Variants in TXNDC15 observed in about 807,000 individuals in gnomAD.
The protein encoded by TXNDC15 is thioredoxin domain-containing protein 15.
Under a neutral mutation model 35.0 loss-of-function variants are expected in TXNDC15, and 24 were observed. The ratio of observed to expected loss-of-function variants is 0.68; its 90% CI spans 0.50 to 0.96. The LOEUF is 0.96. Among genes scored for constraint, TXNDC15 ranks in the 40% least tolerant of loss-of-function variants. The pLI is 0.00. For missense variants in TXNDC15, 385 were observed against 453.3 expected, an observed-to-expected ratio of 0.85 and a Z score of 1.37; for synonymous variants, 169 against 174.0, an observed-to-expected ratio of 0.97 and a Z score of 0.23.
At chr5:134,874,210 T>C, upstream of TXNDC15, 2 of 528,352 alleles carry the variant, frequency 3.8e-6, no homozygotes, top group Non-Finnish European at 6.6e-6. Flanking sequence ...ACCTGCAACG[T>C]CTGGCGCTTA....
In TXNDC15 at chr5:134,900,888, A is replaced by G. The variant is rs986488655; in HGVS notation, c.*1203A>G. 1.3e-5 allele frequency: 2 copies of G among 152,116 alleles called. No individual in the cohort carries two copies. The highest frequency in any genetic ancestry group is 2.9e-5 in the Non-Finnish European group (2 of 68,102). The allele number at this position is 152,116 out of a possible 1,614,324, so 9.4% of individuals were successfully genotyped here. A position where few individuals can be genotyped will look rare whatever the true frequency, so the allele number is the denominator to read the frequency against. On this transcript the variant is annotated 3_prime_UTR_variant, in exon 5 of 5. Transcript: ENST00000358387. ...CTGCAACCTCTGCTTCCCGGGTTCA[A>G]GCGATTCTCCAGCCTCAGCCTCCTG...
chr5:134,896,868 C>T (rs1211867613), intron 4 of TXNDC15, among the ~76,000 whole-genome samples: 1 of 152,112 alleles, frequency 6.6e-6, no homozygotes, highest in Non-Finnish European at 1.5e-5. Context: ...TGGTCTCGAT[C>T]TCCTGACCTC....
intron 1 of TXNDC15, among the ~76,000 whole-genome samples, chr5:134,882,708 CGCGCGCCT>C (rs1561897667): frequency 2.0e-5 from 3 of 152,126 alleles, no homozygotes; most frequent in Non-Finnish European, 2.9e-5. Flanking sequence ...GGCGTGGCGG[CGCGCGCCT>C]GCAATCGCAG....
intron 4 of TXNDC15, among the ~76,000 whole-genome samples, chr5:134,899,123 A>C (rs999356233): frequency 6.6e-6 from 1 of 152,186 alleles, no homozygotes; most frequent in African/African-American, 2.4e-5. Flanking sequence ...TAACCTGTGA[A>C]AACATTCTGT....
chr5:134,896,118 A>G (rs1453419165), intron 3 of TXNDC15, 176 bp from the exon 4 acceptor site: 1 of 592,910 alleles, frequency 1.7e-6, no homozygotes, highest in Non-Finnish European at 2.8e-6. Flanking sequence ...CCCAGCCATG[A>G]CCCATAAGCA....
intron 1 of TXNDC15, among the ~76,000 whole-genome samples, chr5:134,882,040 C>T (rs1481926365): frequency 2.6e-5 from 4 of 151,664 alleles, no homozygotes; most frequent in African/African-American, 4.8e-5. Context: ...GGGCTCCTCA[C>T]TTCTCAGACG....
At chr5:134,874,745 G>A (rs1438205357) in intron 1 of TXNDC15, among the ~76,000 whole-genome samples, 1 of 152,256 alleles carries the variant, frequency 6.6e-6, no homozygotes, top group African/African-American at 2.4e-5. Context: ...GGGAGCCCGG[G>A]GGTGGTTGGG....
chr5:134,883,679 G>A (rs533008232), intron 1 of TXNDC15, among the ~76,000 whole-genome samples: 38 of 151,728 alleles, frequency 2.5e-4, no homozygotes, highest in Admixed American at 8.5e-4. Context: ...TTGGGAGGCT[G>A]AGGCAGGCAG....
intron 1 of TXNDC15, among the ~76,000 whole-genome samples, chr5:134,884,102 C>G (rs1415222798): frequency 2.0e-5 from 3 of 150,850 alleles, no homozygotes; most frequent in African/African-American, 7.3e-5. Flanking sequence ...CACCTATAAT[C>G]CCAGCTACTT....
At chr5:134,883,730 T>A (rs1210856406) in intron 1 of TXNDC15, among the ~76,000 whole-genome samples, 1 of 150,486 alleles carries the variant, frequency 6.6e-6, no homozygotes, top group Non-Finnish European at 1.5e-5. Flanking sequence ...CTGACCAATA[T>A]GGCGAAACCC....
Position 134,894,390 on chromosome 5 carries a change from T to C in TXNDC15, c.755+735T>C, listed in dbSNP as rs56297558. ...TTTTCTTTTTTTTTTTTTTTTGAGG[T>C]GGAATCTTGCTCTGTCACCCAGGCT... On this transcript the variant is annotated intron_variant, in intron 3 of 4. Coordinates refer to ENST00000358387, the MANE Select transcript of TXNDC15 (RefSeq NM_024715.4). Among the ~76,000 whole-genome samples the C allele has an allele frequency of 3.3e-3, 419 of 125,608 alleles. 2 individuals are homozygous for C. Among genetic ancestry groups the C allele is most frequent in the African/African-American group, 0.012 (396 of 32,982 alleles). 82.4% of individuals were successfully genotyped at this position (125,608 alleles called of 152,430 possible). A position where few individuals can be genotyped will look rare whatever the true frequency, so the allele number is the denominator to read the frequency against.
intron 1 of TXNDC15, among the ~76,000 whole-genome samples, chr5:134,878,208 A>C (rs1162060196): frequency 6.6e-6 from 1 of 152,230 alleles, no homozygotes; most frequent in Non-Finnish European, 1.5e-5. Context: ...CAGCAAGCCC[A>C]GTGTGCAGGT....
chr5:134,879,675 C>T (rs1750102928), intron 1 of TXNDC15, among the ~76,000 whole-genome samples: 2 of 152,186 alleles, frequency 1.3e-5, no homozygotes, highest in Non-Finnish European at 2.9e-5. Context: ...GGCACCCAGC[C>T]GCTTCTCTGG....
At chr5:134,878,538 A>G (rs185260345) in intron 1 of TXNDC15, among the ~76,000 whole-genome samples, 136 of 152,312 alleles carry the variant, frequency 8.9e-4, no homozygotes, top group Middle Eastern at 3.4e-3. Context: ...GCAGCTGGTA[A>G]AGAGCCTTCT....
At chr5:134,878,514 T>C (rs1750083229) in intron 1 of TXNDC15, among the ~76,000 whole-genome samples, 2 of 152,178 alleles carry the variant, frequency 1.3e-5, no homozygotes, top group Non-Finnish European at 2.9e-5. Context: ...CCAGAAGCCA[T>C]TGTGAAAACA....
At chr5:134,876,701 T>C (rs1197784310) in intron 1 of TXNDC15, among the ~76,000 whole-genome samples, 1 of 152,038 alleles carries the variant, frequency 6.6e-6, no homozygotes, top group African/African-American at 2.4e-5. Flanking sequence ...CACCAGCTGA[T>C]TTCTTCTCAG....
At chr5:134,882,484 A>G (rs1750173404) in intron 1 of TXNDC15, among the ~76,000 whole-genome samples, 1 of 152,200 alleles carries the variant, frequency 6.6e-6, no homozygotes, top group South Asian at 2.1e-4. Context: ...TGGGAGGCCA[A>G]GGCAGGCTGC....
chr5:134,887,048 A>G (rs1308864858), intron 1 of TXNDC15, among the ~76,000 whole-genome samples: 1 of 152,232 alleles, frequency 6.6e-6, no homozygotes, highest in East Asian at 1.9e-4. Flanking sequence ...TCAAAAAATG[A>G]AAGTGTTTAT....
Position 134,899,765 on chromosome 5 carries a change from C to G in TXNDC15, c.*80C>G. 5 of 1,197,428 alleles carry G rather than the reference C, an allele frequency of 4.2e-6. No individual in the cohort carries two copies. The highest frequency in any genetic ancestry group is 5.8e-6 in the Non-Finnish European group (5 of 865,316). 74.2% of individuals were successfully genotyped at this position (1,197,428 alleles called of 1,614,324 possible). A position where few individuals can be genotyped will look rare whatever the true frequency, so the allele number is the denominator to read the frequency against. On this transcript the variant is annotated 3_prime_UTR_variant, in exon 5 of 5. Transcript: ENST00000358387. ...AGTGCTACAGTTTCATACATTTTCT[C>G]CAGTGACGTGTTGACTTGAAACTTC...
Sources: allele counts gnomAD v4.1 joint callset (sites outside exome capture counted in the v4.1 genomes callset), GRCh38; gene constraint gnomAD v4.1.1; transcripts MANE v1.5; gene names NCBI Gene and HGNC (gene_info 2026-07-23, HGNC 2026-07-21).